Variants in CHIC2 observed in about 807,000 individuals in gnomAD.
CHIC2 encodes cysteine rich hydrophobic domain 2.
Under a neutral mutation model 25.9 loss-of-function variants are expected in CHIC2, and 14 were observed. The observed-to-expected ratio is 0.54, with a 90% CI of 0.36 to 0.85. CHIC2 has a LOEUF of 0.85. Ranked by LOEUF, CHIC2 falls within the 40% of genes least tolerant of loss-of-function variation. The pLI is 0.01. For synonymous variants in CHIC2, 70 were observed against 72.0 expected (o/e 0.97, Z 0.14); for missense variants, 146 against 202.0 (o/e 0.72, Z 1.68).
At chr4:54,035,684 T>C (rs964430696) in intron 3 of CHIC2, among the ~76,000 whole-genome samples, 22 of 152,300 alleles carry the variant, frequency 1.4e-4, no homozygotes, top group African/African-American at 4.8e-4. Flanking sequence ...ATTATTTCTA[T>C]TGATTTTATG....
At position 54,033,144 on chromosome 4, in the gene CHIC2, G is replaced by T. The variant is rs563657089; in HGVS notation, c.330+15811C>A. Among the ~76,000 whole-genome samples, 90 of 152,244 alleles carry T rather than the reference G, an allele frequency of 5.9e-4. 1 individual carries two copies. The highest frequency in any genetic ancestry group is 3.0e-3 in the Admixed American group (46 of 15,300). ...TCTTGTACAGCCTGTAGAACCATGAGCCAATTAAACCTCTTCATTATAAAT... is the reference window on the plus strand; with the variant it reads ...TCTTGTACAGCCTGTAGAACCATGATCCAATTAAACCTCTTCATTATAAAT... On this transcript the variant is annotated intron_variant, in intron 3 of 5. Transcript: ENST00000263921.
chr4:54,035,844 T>C (rs1314199947), intron 3 of CHIC2, among the ~76,000 whole-genome samples: 1 of 152,196 alleles, frequency 6.6e-6, no homozygotes, highest in Non-Finnish European at 1.5e-5. Flanking sequence ...TGGTATAAAT[T>C]TCCTTCCTTG....
chr4:54,026,391 G>A (rs1462149340), intron 3 of CHIC2, among the ~76,000 whole-genome samples: 1 of 151,984 alleles, frequency 6.6e-6, no homozygotes, highest in Non-Finnish European at 1.5e-5. Flanking sequence ...ATGGTGGTGT[G>A]CACCTGTAGC....
At chr4:54,071,602 A>G in the CHIC2 span, among the ~76,000 whole-genome samples, 1,721 of 152,348 alleles carry the variant, frequency 0.011, 30 homozygotes, top group African/African-American at 0.039. Flanking sequence ...CTTAAACACC[A>G]CTAGAGAAAT....
At chr4:54,066,267 C>T (rs760393332), upstream of CHIC2, among the ~76,000 whole-genome samples, 10 of 152,152 alleles carry the variant, frequency 6.6e-5, no homozygotes, top group East Asian at 1.9e-3. Context: ...TTGGGATGCT[C>T]AGCAGATTCA....
chr4:54,020,561 C>A (rs1715868103), intron 3 of CHIC2, among the ~76,000 whole-genome samples: 1 of 152,192 alleles, frequency 6.6e-6, no homozygotes, highest in Non-Finnish European at 1.5e-5. Context: ...GACCAGTCCC[C>A]TGTCCTCGCC....
At chr4:54,019,482 G>A (rs1254537885) in intron 3 of CHIC2, among the ~76,000 whole-genome samples, 1 of 152,088 alleles carries the variant, frequency 6.6e-6, no homozygotes, top group Non-Finnish European at 1.5e-5. Flanking sequence ...ACTGAGCAGT[G>A]TCTTAATAGG....
the CHIC2 span, among the ~76,000 whole-genome samples, chr4:54,086,109 A>G: frequency 6.6e-6 from 1 of 151,920 alleles, no homozygotes; most frequent in Non-Finnish European, 1.5e-5. Context: ...TCCTTCATAA[A>G]TTATTGAGCA....
the CHIC2 span, among the ~76,000 whole-genome samples, chr4:54,074,989 T>C: frequency 6.6e-6 from 1 of 152,264 alleles, no homozygotes; most frequent in Non-Finnish European, 1.5e-5. Flanking sequence ...CATGCACCTG[T>C]AGTCCCAGCT....
chr4:54,014,271 T>C, intron 3 of CHIC2, 152 bp from the exon 4 acceptor site: 1 of 583,684 alleles, frequency 1.7e-6, no homozygotes, highest in Non-Finnish European at 3.0e-6. Flanking sequence ...CACTAAATGG[T>C]AACCTGAACA....
At chr4:54,027,264 G>A (rs977626147) in intron 3 of CHIC2, among the ~76,000 whole-genome samples, 1 of 152,156 alleles carries the variant, frequency 6.6e-6, no homozygotes, top group Admixed American at 6.5e-5. Flanking sequence ...ACAGAGAAAT[G>A]AATGTCAGCC....
intron 3 of CHIC2, among the ~76,000 whole-genome samples, chr4:54,022,851 G>T (rs2110065192): frequency 6.6e-6 from 1 of 152,214 alleles, no homozygotes; most frequent in East Asian, 1.9e-4. Flanking sequence ...GCCTGTTACA[G>T]CATGGCCTTT....
chr4:54,042,681 T>G (rs1329987605), intron 3 of CHIC2, among the ~76,000 whole-genome samples: 2 of 151,152 alleles, frequency 1.3e-5, no homozygotes, highest in East Asian at 3.9e-4. Context: ...GGATCCAAAC[T>G]ACAAGAGCGA....
the CHIC2 span, among the ~76,000 whole-genome samples, chr4:54,090,213 G>C: frequency 6.6e-6 from 1 of 151,910 alleles, no homozygotes; most frequent in Admixed American, 6.6e-5. Context: ...TTTAGATGAA[G>C]TTTTGCTCTA....
At position 54,064,285 on chromosome 4, in the gene CHIC2, C is replaced by G; in HGVS notation, c.16G>C (p.Glu6Gln). MADFD[E>Q]IYEEEEDEER... ...TCGTCCTCCTCTTCCTCATAGATTT[C>G]GTCGAAATCCGCCATCCTGAGCCTC... The change falls in exon 1 of 6, where the codon GAA becomes CAA. Residue 6 changes from glutamate (E) to glutamine (Q), a missense_variant. Glu to Gln is a conservative substitution (Grantham distance 29). Transcript: ENST00000263921. The surrounding 1 kb of genome is among the most constrained non-coding windows in gnomAD (Gnocchi z 4.2). 1 of 1,613,202 alleles carries G rather than the reference C, an allele frequency of 6.2e-7. No homozygotes were observed. Among genetic ancestry groups the G allele is most frequent in the African/African-American group, 1.3e-5 (1 of 75,054 alleles).
upstream of CHIC2, among the ~76,000 whole-genome samples, chr4:54,067,571 C>T (rs2110099581): frequency 6.6e-6 from 1 of 152,262 alleles, no homozygotes; most frequent in South Asian, 2.1e-4. Context: ...TGTCCAGGTA[C>T]TCACTTGCAC....
At chr4:54,043,380 C>T (rs936963031) in intron 3 of CHIC2, among the ~76,000 whole-genome samples, 5 of 146,682 alleles carry the variant, frequency 3.4e-5, no homozygotes, top group African/African-American at 1.3e-4. Context: ...GAGATCATGC[C>T]ACTGCACTCC....
At chr4:54,045,069 G>A (rs1040760697) in intron 3 of CHIC2, among the ~76,000 whole-genome samples, 23 of 152,092 alleles carry the variant, frequency 1.5e-4, no homozygotes, top group South Asian at 4.2e-4. Flanking sequence ...TAAATTCCTC[G>A]ACACATACAC....
chr4:54,072,418 A>G, the CHIC2 span, among the ~76,000 whole-genome samples: 1 of 152,224 alleles, frequency 6.6e-6, no homozygotes, highest in African/African-American at 2.4e-5. Context: ...GATTACTACT[A>G]GAATCATAGG....
Sources: allele counts gnomAD v4.1 joint callset (sites outside exome capture counted in the v4.1 genomes callset), GRCh38; gene constraint gnomAD v4.1.1; non-coding constraint Gnocchi (gnomAD v3.1); transcripts MANE v1.5; gene names NCBI Gene and HGNC (gene_info 2026-07-23, HGNC 2026-07-21).